Variants in TSNARE1 observed in about 807,000 individuals in gnomAD.
TSNARE1 encodes t-SNARE domain containing 1.
TSNARE1 carries 49 observed loss-of-function variants against 62.0 expected under a neutral mutation model. The observed-to-expected ratio is 0.79, with a 90% CI of 0.63 to 1.00. The LOEUF (loss-of-function observed/expected upper bound fraction) is 1.00. Among genes scored for constraint, TSNARE1 ranks in the 50% least tolerant of loss-of-function variants. The pLI, the probability that TSNARE1 is intolerant of heterozygous loss-of-function variation, is 0.00. For missense variants in TSNARE1, 755 were observed against 700.1 expected (o/e 1.08, Z -0.88); for synonymous variants, 328 against 294.4 (o/e 1.11, Z -1.17).
rs190980494 is a variant in TSNARE1, at chr8:142,330,952, C to T, written c.842G>A (p.Ser281Asn). 1.3e-4 allele frequency: 214 copies of T among 1,614,046 alleles called. No homozygotes were observed. The highest frequency in any genetic ancestry group is 3.3e-4 in the Admixed American group (20 of 60,022). Reference protein sequence around the residue: ...INSSVTSLERSLQSLGTPSDT... With the variant: ...INSSVTSLERNLQSLGTPSDT... Reference sequence around the variant, plus strand: ...ACTCGGTGTCCCTAAGGACTGAAGGCTCCGCTCCAAGGAGGTCACTGCCCG... The same window carrying T: ...ACTCGGTGTCCCTAAGGACTGAAGGTTCCGCTCCAAGGAGGTCACTGCCCG... Residue 281 changes from serine (S) to asparagine (N), a missense_variant, in exon 6 of 14, where the codon AGC (serine) becomes AAC (asparagine). By Grantham distance (46) the Ser-to-Asn change is conservative (BLOSUM62 1). Coordinates refer to ENST00000524325, the MANE Select transcript of TSNARE1 (RefSeq NM_145003.5).
Position 142,284,480 on chromosome 8 carries a change from G to C in TSNARE1, c.1296C>G (p.Asn432Lys). 1 of 1,613,616 alleles carries C rather than the reference G, an allele frequency of 6.2e-7. No homozygotes were observed. Among genetic ancestry groups the C allele is most frequent in the Non-Finnish European group, 8.5e-7 (1 of 1,179,854 alleles). Residue 432 changes from asparagine to lysine, a missense_variant, in exon 11 of 14, where the codon AAC becomes AAG. Physicochemically the swap from Asn to Lys is moderately conservative, Grantham distance 94. Coordinates refer to ENST00000524325, the MANE Select transcript of TSNARE1 (RefSeq NM_145003.5). ...TGATGATCTGATTCACATCCAGCAA[G>C]TTGCTCTGTGGAAACAACATAGAAC... ...REEAILQMES[N>K]LLDVNQIIKD...
At chr8:142,256,036 G>GTCACCACCACCGTCACCA (rs1336092617) in intron 12 of TSNARE1, among the ~76,000 whole-genome samples, 1 of 35,040 alleles carries the variant, frequency 2.9e-5, no homozygotes, top group Non-Finnish European at 4.8e-5. Context: ...CACTGTCACC[G>GTCACCACCACCGTCACCA]TCACCACCAC....
chr8:142,323,017 T>A (rs771627602), intron 6 of TSNARE1, among the ~76,000 whole-genome samples: 1 of 151,972 alleles, frequency 6.6e-6, no homozygotes, highest in Non-Finnish European at 1.5e-5. Context: ...TGGATGATAT[T>A]GTTATGAAAG....
At chr8:142,361,149 C>A (rs890766164) in intron 1 of TSNARE1, among the ~76,000 whole-genome samples, 7 of 152,258 alleles carry the variant, frequency 4.6e-5, no homozygotes, top group Admixed American at 1.3e-4. Context: ...CAGTCCCTCC[C>A]TCACCTTCGG....
At chr8:142,364,938 T>C (rs1431894063) in intron 1 of TSNARE1, among the ~76,000 whole-genome samples, 1 of 152,204 alleles carries the variant, frequency 6.6e-6, no homozygotes, top group Non-Finnish European at 1.5e-5. Context: ...AGGATAATCA[T>C]TCATTCTGGT....
At chr8:142,306,940 G>A (rs976337416) in intron 9 of TSNARE1, among the ~76,000 whole-genome samples, 7 of 152,266 alleles carry the variant, frequency 4.6e-5, no homozygotes, top group South Asian at 4.1e-4. Flanking sequence ...CAGGACCCCC[G>A]GGGCCTCCCT....
chr8:142,229,579 G>A lies in TSNARE1; in HGVS notation c.1447C>T (p.Leu483Phe), dbSNP rs1002707285. 18 of 1,613,372 alleles carry A rather than the reference G, an allele frequency of 1.1e-5. No individual in the cohort carries two copies. The highest frequency in any genetic ancestry group is 1.7e-5 in the Admixed American group (1 of 60,006). ...QLLAGASRHQ[L>F]QRHKIKCCFL... ...CAGCACTTGATCTTGTGTCTCTGGAGCTGGGAGAGAGAGAGAGGTTGTTTC... is the reference window on the plus strand; with the variant it reads ...CAGCACTTGATCTTGTGTCTCTGGAACTGGGAGAGAGAGAGAGGTTGTTTC... Residue 483 changes from leucine to phenylalanine, a missense_variant and splice_region_variant, in exon 13 of 14, where the codon CTC (leucine) becomes TTC (phenylalanine). By Grantham distance (22) the Leu-to-Phe change is conservative. Transcript: ENST00000524325.
At chr8:142,286,952 T>C (rs890519355) in intron 10 of TSNARE1, among the ~76,000 whole-genome samples, 1 of 152,210 alleles carries the variant, frequency 6.6e-6, no homozygotes, top group South Asian at 2.1e-4. Context: ...CACCTGTTAT[T>C]GCTGCATTTG....
At chr8:142,279,887 C>T (rs747856856) in intron 11 of TSNARE1, 1 of 1,039,052 alleles carries the variant, frequency 9.6e-7, no homozygotes, top group Non-Finnish European at 1.2e-6. Flanking sequence ...GTCTGGCCCT[C>T]GCCTTGGGGA....
At chr8:142,368,814 T>C (rs1290966558) in intron 1 of TSNARE1, among the ~76,000 whole-genome samples, 1 of 152,182 alleles carries the variant, frequency 6.6e-6, no homozygotes, top group Non-Finnish European at 1.5e-5. Context: ...CCGCAATGGC[T>C]GAGTGCTGTG....
chr8:142,243,634 G>C (rs139766828), intron 12 of TSNARE1, among the ~76,000 whole-genome samples: 2 of 152,102 alleles, frequency 1.3e-5, no homozygotes, highest in South Asian at 2.1e-4. Context: ...TGGGTTAAAC[G>C]GTACAAGGTT....
intron 11 of TSNARE1, chr8:142,276,929 G>A: frequency 1.0e-6 from 1 of 985,470 alleles, no homozygotes; most frequent in Non-Finnish European, 1.2e-6. Flanking sequence ...CAGGCTGCCA[G>A]GTGGGCACGC....
chr8:142,293,819 G>T (rs578061074), intron 10 of TSNARE1, among the ~76,000 whole-genome samples: 1 of 152,328 alleles, frequency 6.6e-6, no homozygotes, highest in East Asian at 1.9e-4. Context: ...ACACTGCAGG[G>T]ATGCATTTCA....
At chr8:142,255,698 C>T (rs372331790) in intron 12 of TSNARE1, among the ~76,000 whole-genome samples, 6 of 46,974 alleles carry the variant, frequency 1.3e-4, no homozygotes, top group African/African-American at 1.7e-4. Flanking sequence ...ACCATCACCA[C>T]CACCATCACC....
chr8:142,284,039 G>A (rs149181611), intron 11 of TSNARE1, among the ~76,000 whole-genome samples: 7 of 137,160 alleles, frequency 5.1e-5, no homozygotes, highest in East Asian at 2.1e-4. Flanking sequence ...ATCAATGAGC[G>A]GGTACCAGTG....
intron 2 of TSNARE1, among the ~76,000 whole-genome samples, chr8:142,352,942 T>C (rs944471510): frequency 6.6e-6 from 1 of 152,150 alleles, no homozygotes; most frequent in African/African-American, 2.4e-5. Flanking sequence ...TACAATCCTG[T>C]GTCTACTCAG....
At chr8:142,294,021 ACAGGGG>A (rs1178812796) in intron 10 of TSNARE1, among the ~76,000 whole-genome samples, 1 of 152,068 alleles carries the variant, frequency 6.6e-6, no homozygotes, top group African/African-American at 2.4e-5. Flanking sequence ...GGCAGCTGGG[ACAGGGG>A]CAGGGGCAGC....
chr8:142,373,084 G>GTC (rs1253956339), intron 1 of TSNARE1, among the ~76,000 whole-genome samples: 2 of 152,158 alleles, frequency 1.3e-5, no homozygotes, highest in Non-Finnish European at 2.9e-5. Context: ...CCCTGAGTGG[G>GTC]TCTCTCTCTC....
At chr8:142,232,871 C>T (rs935438585) in intron 12 of TSNARE1, among the ~76,000 whole-genome samples, 2 of 152,242 alleles carry the variant, frequency 1.3e-5, no homozygotes, top group African/African-American at 2.4e-5. Context: ...CTCCCCGACC[C>T]CAACTTCCGC....
Sources: gnomAD v4.1 joint callset for allele counts (sites outside exome capture counted in the v4.1 genomes callset) on GRCh38, gnomAD v4.1.1 for gene constraint, MANE v1.5 for transcripts, NCBI Gene and HGNC (gene_info 2026-07-23, HGNC 2026-07-21) for gene names.